NACC2: variants seen among roughly 807,000 people sequenced by gnomAD.
NACC2 encodes nucleus accumbens-associated protein 2.
NACC2 carries 8 observed loss-of-function variants against 25.1 expected under a neutral mutation model. That is an observed-to-expected ratio of 0.32 (90% CI 0.19 to 0.57). NACC2 has a LOEUF of 0.57. Ranked by LOEUF, NACC2 falls within the 20% of genes least tolerant of loss-of-function variation. NACC2 has a pLI of 0.89. For synonymous variants in NACC2, 435 were observed against 294.7 expected, an observed-to-expected ratio of 1.48 and a Z score of -4.88; for missense variants, 644 against 650.2, an observed-to-expected ratio of 0.99 and a Z score of 0.10.
intron 2 of NACC2, among the ~76,000 whole-genome samples, chr9:136,035,690 A>G (rs945987960): frequency 6.6e-6 from 1 of 150,658 alleles, no homozygotes; most frequent in African/African-American, 2.4e-5. Flanking sequence ...CTGTGATTAT[A>G]TAAGAGAATG....
chr9:136,033,564 C>T (rs1293866072), intron 2 of NACC2, among the ~76,000 whole-genome samples: 10 of 147,384 alleles, frequency 6.8e-5, no homozygotes, highest in South Asian at 6.5e-4. Flanking sequence ...GCAGGAGAAT[C>T]GCTTGAATTC....
chr9:136,024,055 CGT>C (rs1171142262), intron 2 of NACC2, among the ~76,000 whole-genome samples: 1 of 151,028 alleles, frequency 6.6e-6, no homozygotes, highest in Non-Finnish European at 1.5e-5. Flanking sequence ...GTGGGGACAG[CGT>C]GTGTGTGTGA....
At chr9:136,079,942 C>T (rs1180234987) in intron 1 of NACC2, among the ~76,000 whole-genome samples, 10 of 152,202 alleles carry the variant, frequency 6.6e-5, no homozygotes, top group African/African-American at 2.4e-4. Flanking sequence ...TGGAGCTGTT[C>T]CCCAGGGAGA....
chr9:136,081,252 G>A (rs934999830), intron 1 of NACC2, among the ~76,000 whole-genome samples: 9 of 152,208 alleles, frequency 5.9e-5, no homozygotes, highest in African/African-American at 2.2e-4. Context: ...GGCACTGGGG[G>A]CTCCGCAGGA....
At chr9:136,042,411 C>T (rs906361839) in intron 2 of NACC2, among the ~76,000 whole-genome samples, 4 of 152,186 alleles carry the variant, frequency 2.6e-5, no homozygotes, top group African/African-American at 4.8e-5. Flanking sequence ...TCAATGGAAC[C>T]GAACAGAATC....
Position 136,067,506 on chromosome 9 carries a change from A to T in NACC2, c.-59-16926T>A, listed in dbSNP as rs372616168. ...TGTTGTTCTCTGAACACCGCAGGTG[A>T]TTTTGTCGTTCTGTGAACACCACAG... On this transcript the variant is annotated intron_variant, in intron 1 of 5. Transcript: ENST00000277554. 7.9e-5 allele frequency among the ~76,000 whole-genome samples: 12 copies of T among 152,152 alleles called. No homozygotes were observed. In the South Asian group the frequency reaches 1.9e-3, roughly 24 times the overall value.
At chr9:136,053,713 A>C (rs989505434) in intron 1 of NACC2, among the ~76,000 whole-genome samples, 2 of 152,220 alleles carry the variant, frequency 1.3e-5, no homozygotes, top group East Asian at 3.8e-4. Context: ...GGAGCCTCCC[A>C]GAGAGCCCGT....
chr9:136,084,614 C>A lies in NACC2; in HGVS notation c.-60+10575G>T, dbSNP rs186451860. 4.6e-5 allele frequency among the ~76,000 whole-genome samples: 7 copies of A among 152,330 alleles called. No individual in the cohort carries two copies. Among genetic ancestry groups the A allele is most frequent in the Admixed American group, 2.6e-4 (4 of 15,306 alleles). The stretch of plus-strand genomic sequence containing the variant: ...AGGCTGGAAGAGCCCAGAGACACAG[C>A]AAGACTCAAACAGACGCGCACGCCA... On this transcript the variant is annotated intron_variant, in intron 1 of 5. Coordinates refer to ENST00000277554, the MANE Select transcript of NACC2 (RefSeq NM_144653.5). The surrounding 1 kb of genome is among the most constrained non-coding windows in gnomAD (Gnocchi z 5.1).
At chr9:136,046,291 T>C (rs1840723469) in intron 2 of NACC2, among the ~76,000 whole-genome samples, 1 of 152,190 alleles carries the variant, frequency 6.6e-6, no homozygotes, top group African/African-American at 2.4e-5. Context: ...CGCCTCACCC[T>C]CTGGGAGGTT....
chr9:136,076,641 A>C (rs56085853), intron 1 of NACC2, among the ~76,000 whole-genome samples: 4,751 of 152,256 alleles, frequency 0.031, 118 homozygotes, highest in Admixed American at 0.053. Context: ...GAATGTTCTT[A>C]CTGCCACTGA....
chr9:136,054,042 G>T (rs1333393898), intron 1 of NACC2, among the ~76,000 whole-genome samples: 1 of 152,242 alleles, frequency 6.6e-6, no homozygotes, highest in Non-Finnish European at 1.5e-5. Context: ...GTGAACTGGG[G>T]TTATGATTTA....
chr9:136,094,497 T>A (rs115186399), intron 1 of NACC2, among the ~76,000 whole-genome samples: 2,253 of 150,180 alleles, frequency 0.015, 66 homozygotes, highest in African/African-American at 0.053. Flanking sequence ...GGCCCCGGGC[T>A]CCGCTGAGTT....
chr9:136,036,488 C>T (rs1456767461), intron 2 of NACC2, among the ~76,000 whole-genome samples: 1 of 152,180 alleles, frequency 6.6e-6, no homozygotes, highest in Admixed American at 6.5e-5. Context: ...CATACACACA[C>T]ACATAAATAC....
intron 1 of NACC2, among the ~76,000 whole-genome samples, chr9:136,078,967 C>T (rs1423122134): frequency 3.3e-5 from 5 of 152,236 alleles, no homozygotes; most frequent in Non-Finnish European, 2.9e-5. Flanking sequence ...GGCATGATGC[C>T]GCGCCGCCGC....
intron 2 of NACC2, among the ~76,000 whole-genome samples, chr9:136,042,979 C>T (rs993204559): frequency 6.6e-6 from 1 of 150,382 alleles, no homozygotes; most frequent in Non-Finnish European, 1.5e-5. Flanking sequence ...CACACATAGA[C>T]GCAGACACAC....
Position 136,009,264 on chromosome 9 carries a change from G to C in NACC2, c.*2252C>G, listed in dbSNP as rs774416331. On this transcript the variant is annotated 3_prime_UTR_variant, in exon 6 of 6. Transcript: ENST00000277554. Reference sequence around the variant, plus strand: ...CACCCCGCGGCTTCCTCCCATCTCCGAGGAAGGCTTGGTCCAGGTTCCCAG... The same window carrying C: ...CACCCCGCGGCTTCCTCCCATCTCCCAGGAAGGCTTGGTCCAGGTTCCCAG... 6.6e-6 allele frequency: 1 copy of C among 152,362 alleles called. No homozygotes were observed. The highest frequency in any genetic ancestry group is 2.1e-4 in the South Asian group (1 of 4,836). The allele number at this position is 152,362 out of a possible 1,614,324, so 9.4% of individuals were successfully genotyped here. A position where few individuals can be genotyped will look rare whatever the true frequency, so the allele number is the denominator to read the frequency against.
intron 1 of NACC2, among the ~76,000 whole-genome samples, chr9:136,078,301 G>A (rs1588582295): frequency 2.0e-5 from 3 of 152,248 alleles, no homozygotes; most frequent in African/African-American, 7.2e-5. Context: ...AGAATTCCAC[G>A]AAGCTCAGTC....
intron 1 of NACC2, among the ~76,000 whole-genome samples, chr9:136,074,713 G>A (rs969913266): frequency 4.0e-5 from 6 of 151,808 alleles, no homozygotes; most frequent in African/African-American, 7.3e-5. Context: ...AAACTGCACC[G>A]ACAGATGAAG....
intron 1 of NACC2, among the ~76,000 whole-genome samples, chr9:136,087,288 C>T (rs1830388949): frequency 6.6e-6 from 1 of 152,214 alleles, no homozygotes; most frequent in African/African-American, 2.4e-5. Flanking sequence ...AGGCTTCCTG[C>T]CACCAAACCT....
Sources: gnomAD v4.1 joint callset for allele counts (sites outside exome capture counted in the v4.1 genomes callset) on GRCh38, gnomAD v4.1.1 for gene constraint, Gnocchi (gnomAD v3.1) non-coding constraint, MANE v1.5 for transcripts, NCBI Gene and HGNC (gene_info 2026-07-23, HGNC 2026-07-21) for gene names.